Variants in PRKG1 observed in about 807,000 individuals in gnomAD.
The protein encoded by PRKG1 is cGMP-dependent protein kinase 1.
PRKG1 carries 35 observed loss-of-function variants against 88.1 expected under a neutral mutation model. The observed-to-expected ratio is 0.40, with a 90% CI of 0.30 to 0.53. The LOEUF is 0.53. PRKG1 is among the 20% of genes least tolerant of loss of function. The pLI is 0.59. For missense variants in PRKG1, 540 were observed against 839.8 expected (o/e 0.64, Z 4.41); for synonymous variants, 303 against 292.5 (o/e 1.04, Z -0.37).
chr10:51,981,262 G>A (rs755153691), intron 5 of PRKG1, among the ~76,000 whole-genome samples: 5 of 152,156 alleles, frequency 3.3e-5, no homozygotes, highest in Non-Finnish European at 5.9e-5. Context: ...GGCCAGATAC[G>A]AAGTGCTGGG....
Position 52,102,364 on chromosome 10 carries a change from G to T in PRKG1, c.936-31476G>T, listed in dbSNP as rs571272625. On this transcript the variant is annotated intron_variant, in intron 7 of 17. Transcript: ENST00000373980. ...ACATCACAACCATATGCTGTGGAAA[G>T]AATTGACAATGCTCTGAAAGAGAAT... 2.0e-5 allele frequency among the ~76,000 whole-genome samples: 3 copies of T among 152,146 alleles called. No homozygotes were observed. The South Asian group carries it at 6.2e-4, about 32-fold the overall frequency.
At chr10:51,295,981 G>A (rs1840710577) in intron 2 of PRKG1, among the ~76,000 whole-genome samples, 1 of 152,054 alleles carries the variant, frequency 6.6e-6, no homozygotes. Context: ...CACGTTGATT[G>A]ATTTCCTTAT....
intron 3 of PRKG1, among the ~76,000 whole-genome samples, chr10:51,573,999 T>A (rs189004982): frequency 1.3e-5 from 2 of 152,054 alleles, no homozygotes; most frequent in Admixed American, 6.6e-5. Flanking sequence ...GAAGTGTGTG[T>A]TCACACATGT....
intron 3 of PRKG1, among the ~76,000 whole-genome samples, chr10:51,581,606 G>T (rs1188817323): frequency 6.6e-6 from 1 of 152,120 alleles, no homozygotes; most frequent in African/African-American, 2.4e-5. Context: ...TCCATTCATA[G>T]GCTCTCTGTA....
In PRKG1 at chr10:51,453,560, A is replaced by G. The variant is rs555937129; in HGVS notation, c.479-14163A>G. On this transcript the variant is annotated intron_variant, in intron 2 of 17. Transcript: ENST00000373980. ...TTTTTTTAATTTCCATCTTGGTTTCATTATTGACCCAAAGACCATTTAAAA... is the reference window on the plus strand; with the variant it reads ...TTTTTTTAATTTCCATCTTGGTTTCGTTATTGACCCAAAGACCATTTAAAA... Among the ~76,000 whole-genome samples the G allele has an allele frequency of 2.6e-5, 4 of 152,080 alleles. No individual in the cohort carries two copies. The East Asian group carries it at 7.7e-4, about 29-fold the overall frequency.
intron 2 of PRKG1, among the ~76,000 whole-genome samples, chr10:51,246,962 A>G (rs561163068): frequency 2.0e-5 from 3 of 152,082 alleles, no homozygotes; most frequent in Admixed American, 6.6e-5. Flanking sequence ...GGGACCCAAA[A>G]GCAACATTTC....
At chr10:52,280,229 C>T (rs534242893) in intron 12 of PRKG1, among the ~76,000 whole-genome samples, 2 of 152,240 alleles carry the variant, frequency 1.3e-5, no homozygotes, top group East Asian at 3.9e-4. Flanking sequence ...CAGAAGAGTA[C>T]TTAGCTTGCA....
intron 9 of PRKG1, among the ~76,000 whole-genome samples, chr10:52,215,429 C>T (rs1430601482): frequency 6.6e-6 from 1 of 151,446 alleles, no homozygotes; most frequent in African/African-American, 2.4e-5. Flanking sequence ...TTGAAGCTGA[C>T]TTGCTATAAG....
chr10:51,057,731 A>G (rs369287655), intron 1 of PRKG1, among the ~76,000 whole-genome samples: 67 of 152,212 alleles, frequency 4.4e-4, no homozygotes, highest in African/African-American at 1.6e-3. Context: ...TTTATATTCT[A>G]TTGGATTAAT....
intron 4 of PRKG1, among the ~76,000 whole-genome samples, chr10:51,882,745 G>T (rs986505739): frequency 6.6e-6 from 1 of 152,190 alleles, no homozygotes; most frequent in Non-Finnish European, 1.5e-5. Flanking sequence ...TACTTAAGAT[G>T]AATTTTCTCT....
At chr10:51,137,467 T>C (rs1263451343) in intron 1 of PRKG1, among the ~76,000 whole-genome samples, 1 of 152,146 alleles carries the variant, frequency 6.6e-6, no homozygotes, top group African/African-American at 2.4e-5. Flanking sequence ...TGATGCCTAG[T>C]GTGGATTGAG....
chr10:52,179,060 G>T (rs147536790), intron 9 of PRKG1, among the ~76,000 whole-genome samples: 3 of 150,078 alleles, frequency 2.0e-5, no homozygotes. Flanking sequence ...TTTTTTTCTT[G>T]TTGTTTTGTA....
At chr10:51,037,081 A>G (rs1396772185) in intron 1 of PRKG1, among the ~76,000 whole-genome samples, 1 of 152,208 alleles carries the variant, frequency 6.6e-6, no homozygotes, top group Non-Finnish European at 1.5e-5. Flanking sequence ...ACACTCATCC[A>G]TAGAAATAAA....
At chr10:51,843,880 C>G (rs1419454310) in intron 4 of PRKG1, among the ~76,000 whole-genome samples, 1 of 152,086 alleles carries the variant, frequency 6.6e-6, no homozygotes, top group Non-Finnish European at 1.5e-5. Context: ...CCACTTAAAA[C>G]GAGCTTCTTT....
At chr10:51,073,892 G>T (rs1213368071), upstream of PRKG1, among the ~76,000 whole-genome samples, 1 of 152,130 alleles carries the variant, frequency 6.6e-6, no homozygotes, top group East Asian at 1.9e-4. Context: ...CGACAGCTCG[G>T]CCACACCGCT....
At chr10:51,629,883 A>G (rs2132278618) in intron 3 of PRKG1, among the ~76,000 whole-genome samples, 1 of 152,290 alleles carries the variant, frequency 6.6e-6, no homozygotes, top group Non-Finnish European at 1.5e-5. Flanking sequence ...CCCTGGCTCC[A>G]TCTCTTTCAA....
intron 6 of PRKG1, among the ~76,000 whole-genome samples, chr10:52,056,272 C>T (rs1477580404): frequency 2.0e-5 from 3 of 152,102 alleles, no homozygotes; most frequent in East Asian, 1.9e-4. Context: ...AATTGAAAAT[C>T]GCCATGGATG....
intron 5 of PRKG1, among the ~76,000 whole-genome samples, chr10:52,028,511 C>A (rs552342025): frequency 6.6e-6 from 1 of 152,134 alleles, no homozygotes; most frequent in African/African-American, 2.4e-5. Context: ...TTCAGTGTAT[C>A]CCCTCAAGCA....
At chr10:51,859,971 C>T (rs184950502) in intron 4 of PRKG1, among the ~76,000 whole-genome samples, 4 of 152,270 alleles carry the variant, frequency 2.6e-5, no homozygotes, top group Admixed American at 6.5e-5. Context: ...TATAGTTCTA[C>T]GTATGTTACA....
Sources: gnomAD v4.1 joint callset for allele counts (sites outside exome capture counted in the v4.1 genomes callset) on GRCh38, gnomAD v4.1.1 for gene constraint, MANE v1.5 for transcripts, NCBI Gene and HGNC (gene_info 2026-07-23, HGNC 2026-07-21) for gene names.